MLXIP: variants seen among roughly 807,000 people sequenced by gnomAD.
MLXIP encodes the protein MLX interacting protein.
Under a neutral mutation model 87.2 loss-of-function variants are expected in MLXIP, and 30 were observed. That is an observed-to-expected ratio of 0.34 (90% CI 0.26 to 0.47). MLXIP has a LOEUF of 0.47. MLXIP is among the 20% of genes least tolerant of loss of function. The probability of loss-of-function intolerance (pLI) is 1.00; values close to 1 mark genes in which losing one functional copy is unlikely to be tolerated. For synonymous variants in MLXIP, 530 were observed against 514.0 expected, an observed-to-expected ratio of 1.03 and a Z score of -0.42; for missense variants, 1,002 against 1,240.1, an observed-to-expected ratio of 0.81 and a Z score of 2.88.
intron 3 of MLXIP, chr12:122,128,697 G>T: frequency 6.0e-6 from 1 of 167,240 alleles, no homozygotes; most frequent in Non-Finnish European, 1.3e-5. Flanking sequence ...ATCACGCGAA[G>T]GTTGGATGAG....
intron 1 of MLXIP, among the ~76,000 whole-genome samples, chr12:122,113,681 C>CTTTTTTTTTTTTTTTTT (rs1173711241): frequency 9.9e-6 from 1 of 100,702 alleles, no homozygotes; most frequent in Non-Finnish European, 1.8e-5. Flanking sequence ...GCCTTCATTT[C>CTTTTTTTTTTTTTTTTT]TTTTTTTTTT....
chr12:122,142,314 A>C lies in MLXIP; in HGVS notation c.*502A>C. 10 of 642,276 alleles carry C rather than the reference A, an allele frequency of 1.6e-5. No homozygotes were observed. The highest frequency in any genetic ancestry group is 2.1e-5 in the Admixed American group (1 of 48,038). The allele number at this position is 642,276 out of a possible 1,614,324, so 39.8% of individuals were successfully genotyped here. ...GAAGGCGTCTTTCTTTCTCCCCTCA[A>C]CTCTGACAGCACCCAGCCCTTGTGG... On this transcript the variant is annotated 3_prime_UTR_variant, in exon 17 of 17. Transcript: ENST00000319080.
intron 1 of MLXIP, among the ~76,000 whole-genome samples, chr12:122,095,865 T>A (rs892481480): frequency 6.6e-6 from 1 of 151,736 alleles, no homozygotes; most frequent in Admixed American, 6.6e-5. Flanking sequence ...TATTTTTATT[T>A]TTATTATTAT....
At chr12:122,084,948 C>T (rs574594913) in intron 1 of MLXIP, among the ~76,000 whole-genome samples, 1 of 152,156 alleles carries the variant, frequency 6.6e-6, no homozygotes, top group Admixed American at 6.5e-5. Flanking sequence ...AAATAAAAAA[C>T]CAAAGCTCAG....
chr12:122,119,366 C>A (rs1048380584), intron 1 of MLXIP, among the ~76,000 whole-genome samples: 3 of 152,104 alleles, frequency 2.0e-5, no homozygotes, highest in Non-Finnish European at 4.4e-5. Context: ...TAGTGTTCCA[C>A]TGTGTAGATA....
Position 122,140,949 on chromosome 12 carries a change from T to C in MLXIP, c.2509-5T>C, listed in dbSNP as rs369898879. The C allele has an allele frequency of 3.7e-6, 6 of 1,613,858 alleles. No individual in the cohort carries two copies. The African/African-American group carries it at 8.0e-5, about 22-fold the overall frequency. On this transcript the variant is annotated splice_polypyrimidine_tract_variant and splice_region_variant and intron_variant, in intron 15 of 16. Coordinates refer to ENST00000319080, the MANE Select transcript of MLXIP (RefSeq NM_014938.6). ...GCTTGCCTTTTCTTTAACCACACAC[T>C]GCAGTTCAGCATCATCATCAAGCCG...
rs1020969723 is a variant in MLXIP, at chr12:122,127,865, C to T, written c.521-18C>T. Reference sequence around the variant, plus strand: ...GGGTCTGGATCATGGTGCTGACTCTCACCCTCTCTCTGCTCAGATCTGGAG... The same window carrying T: ...GGGTCTGGATCATGGTGCTGACTCTTACCCTCTCTCTGCTCAGATCTGGAG... On this transcript the variant is annotated intron_variant, in intron 2 of 16. Coordinates refer to ENST00000319080, the MANE Select transcript of MLXIP (RefSeq NM_014938.6). 14 of 1,610,496 alleles carry T rather than the reference C, an allele frequency of 8.7e-6. No individual in the cohort carries two copies. Among genetic ancestry groups the T allele is most frequent in the Non-Finnish European group, 1.2e-5 (14 of 1,176,934 alleles).
At position 122,135,115 on chromosome 12, in the gene MLXIP, C is replaced by A. The variant is rs973806206; in HGVS notation, c.1733-109C>A. The A allele has an allele frequency of 1.4e-6, 2 of 1,393,340 alleles. No homozygotes were observed. The highest frequency in any genetic ancestry group is 1.2e-5 in the South Asian group (1 of 80,812). 86.3% of individuals were successfully genotyped at this position (1,393,340 alleles called of 1,614,324 possible). A position where few individuals can be genotyped will look rare whatever the true frequency, so the allele number is the denominator to read the frequency against. ...TGCCTTGGTGGCTTTGTCTTCCTGT[C>A]CCCTGGGGTTGAGAACAAGCTGTCT... On this transcript the variant is annotated intron_variant, in intron 9 of 16. Coordinates refer to ENST00000319080, the MANE Select transcript of MLXIP (RefSeq NM_014938.6). The surrounding 1 kb of genome is among the most constrained non-coding windows in gnomAD (Gnocchi z 5.3).
intron 1 of MLXIP, among the ~76,000 whole-genome samples, chr12:122,104,633 G>A (rs1162788927): frequency 7.2e-6 from 1 of 138,988 alleles, no homozygotes; most frequent in African/African-American, 2.7e-5. Flanking sequence ...AGGCTGGAGT[G>A]CAATGGTGCG....
At chr12:122,109,072 A>G (rs545385275) in intron 1 of MLXIP, among the ~76,000 whole-genome samples, 6 of 152,214 alleles carry the variant, frequency 3.9e-5, no homozygotes, top group Non-Finnish European at 8.8e-5. Context: ...AGCTGGGATT[A>G]CAAGCGTGCA....
chr12:122,131,466 T>TTA (rs1201266260), intron 7 of MLXIP, among the ~76,000 whole-genome samples: 1 of 147,612 alleles, frequency 6.8e-6, no homozygotes, highest in East Asian at 2.0e-4. Flanking sequence ...TTTTTTTTTT[T>TTA]AGAGACAGGG....
chr12:122,090,496 CAAA>C (rs374603278), intron 1 of MLXIP, among the ~76,000 whole-genome samples: 1 of 139,592 alleles, frequency 7.2e-6, no homozygotes, highest in Admixed American at 7.3e-5. Context: ...GACTCTGTCT[CAAA>C]AAAAAAAAAC....
In MLXIP at chr12:122,107,529, T is replaced by C. The variant is rs1416810135; in HGVS notation, c.414-19727T>C. Reference sequence around the variant, plus strand: ...AACGTCTTGGGAAGCATCAGCTGAATGTATGAATTCTTTTTACTGAGAACC... The same window carrying C: ...AACGTCTTGGGAAGCATCAGCTGAACGTATGAATTCTTTTTACTGAGAACC... On this transcript the variant is annotated intron_variant, in intron 1 of 16. Transcript: ENST00000319080. 4.6e-5 allele frequency among the ~76,000 whole-genome samples: 7 copies of C among 152,306 alleles called. 1 individual carries two copies. In the South Asian group the frequency reaches 1.2e-3, roughly 27 times the overall value.
chr12:122,141,882 C>T lies in MLXIP; in HGVS notation c.*70C>T, dbSNP rs1953212461. On this transcript the variant is annotated 3_prime_UTR_variant, in exon 17 of 17. Coordinates refer to ENST00000319080, the MANE Select transcript of MLXIP (RefSeq NM_014938.6). ...CCCTGCCCATGGAGAGTAGGCTGCGCCCCCCAGCCCTTCCTGACGCTCAGC... is the reference window on the plus strand; with the variant it reads ...CCCTGCCCATGGAGAGTAGGCTGCGTCCCCCAGCCCTTCCTGACGCTCAGC... The T allele has an allele frequency of 3.8e-6, 6 of 1,578,418 alleles. No individual in the cohort carries two copies. The highest frequency in any genetic ancestry group is 4.3e-6 in the Non-Finnish European group (5 of 1,162,768).
intron 1 of MLXIP, among the ~76,000 whole-genome samples, chr12:122,112,219 A>G (rs1225691055): frequency 6.6e-6 from 1 of 152,246 alleles, no homozygotes; most frequent in African/African-American, 2.4e-5. Flanking sequence ...GAAGTGTCGT[A>G]AGTCATTGTG....
intron 1 of MLXIP, among the ~76,000 whole-genome samples, chr12:122,115,964 T>C (rs1465958546): frequency 6.6e-6 from 1 of 151,560 alleles, no homozygotes; most frequent in Admixed American, 6.6e-5. Context: ...GGCAGGAGAA[T>C]CACTTGAACC....
chr12:122,137,425 G>T lies in MLXIP; in HGVS notation c.2033-44G>T. On this transcript the variant is annotated intron_variant, in intron 11 of 16. Transcript: ENST00000319080. The surrounding 1 kb of genome is among the most constrained non-coding windows in gnomAD (Gnocchi z 4.1). ...CCCCAGGCTGCCTCCTGGTGGCGTT[G>T]AGGGGCCAGGCCTCCGCCCCTCAGA... is the stretch of plus-strand genomic sequence containing the variant. The T allele has an allele frequency of 6.3e-7, 1 of 1,585,948 alleles. No individual in the cohort carries two copies.
At chr12:122,106,847 C>G (rs1039722358) in intron 1 of MLXIP, among the ~76,000 whole-genome samples, 1 of 151,966 alleles carries the variant, frequency 6.6e-6, no homozygotes, top group African/African-American at 2.4e-5. Context: ...GGTGATACAC[C>G]CACCTTGGCC....
intron 1 of MLXIP, among the ~76,000 whole-genome samples, chr12:122,098,365 G>T (rs1156535871): frequency 6.6e-6 from 1 of 152,232 alleles, no homozygotes; most frequent in African/African-American, 2.4e-5. Flanking sequence ...CCCCCGCTGA[G>T]CAACTCAGAT....
Sources: allele counts gnomAD v4.1 joint callset (sites outside exome capture counted in the v4.1 genomes callset), GRCh38; gene constraint gnomAD v4.1.1; non-coding constraint Gnocchi (gnomAD v3.1); transcripts MANE v1.5; gene names NCBI Gene and HGNC (gene_info 2026-07-23, HGNC 2026-07-21).